The following TMEM132B variants were observed in gnomAD, a reference collection of about 807,000 sequenced individuals.
TMEM132B encodes transmembrane protein 132B.
TMEM132B carries 18 observed loss-of-function variants against 90.8 expected under a neutral mutation model. The observed-to-expected ratio is 0.20, with a 90% CI of 0.14 to 0.29. The LOEUF is 0.29. Ranked by LOEUF, TMEM132B falls within the 10% of genes least tolerant of loss-of-function variation. The pLI is 1.00. For missense variants in TMEM132B, 1,096 were observed against 1,326.8 expected (o/e 0.83, Z 2.70); for synonymous variants, 504 against 523.3 (o/e 0.96, Z 0.50).
In TMEM132B at chr12:125,658,000, G is replaced by A. The variant is rs1887110149; in HGVS notation, c.*3290G>A. 1.3e-5 allele frequency: 2 copies of A among 152,274 alleles called. No individual in the cohort carries two copies. The highest frequency in any genetic ancestry group is 4.8e-5 in the African/African-American group (2 of 41,446). The allele number at this position is 152,274 out of a possible 1,614,324, so 9.4% of individuals were successfully genotyped here. On this transcript the variant is annotated 3_prime_UTR_variant, in exon 9 of 9. Transcript: ENST00000682704. ...TTAAACACACAGGTGTGTTGCATTTGAGAGAAGGCAAGAAGAAAAGACAAT... is the reference window on the plus strand; with the variant it reads ...TTAAACACACAGGTGTGTTGCATTTAAGAGAAGGCAAGAAGAAAAGACAAT...
chr12:125,248,001 A>C (rs1874242482), intron 1 of TMEM132B, among the ~76,000 whole-genome samples: 1 of 152,156 alleles, frequency 6.6e-6, no homozygotes, highest in African/African-American at 2.4e-5. Flanking sequence ...GTGGCTTTGG[A>C]TTAGCGCATG....
intron 1 of TMEM132B, among the ~76,000 whole-genome samples, chr12:125,259,092 G>T (rs751997238): frequency 2.0e-5 from 3 of 152,116 alleles, no homozygotes; most frequent in Non-Finnish European, 4.4e-5. Context: ...TGAGGGAAAA[G>T]TCTCTGGGTG....
chr12:125,487,846 C>T (rs1882241746), intron 3 of TMEM132B, among the ~76,000 whole-genome samples: 1 of 152,092 alleles, frequency 6.6e-6, no homozygotes, highest in African/African-American at 2.4e-5. Flanking sequence ...TTTTTCAAGG[C>T]CAGTCTCACA....
chr12:125,611,993 A>G (rs1256963256), intron 5 of TMEM132B, among the ~76,000 whole-genome samples: 2 of 152,096 alleles, frequency 1.3e-5, no homozygotes, highest in Non-Finnish European at 2.9e-5. Context: ...TCATCGTGAA[A>G]GTTGGGAATT....
intron 1 of TMEM132B, among the ~76,000 whole-genome samples, chr12:125,260,934 G>GTGTA: frequency 6.6e-6 from 1 of 151,438 alleles, no homozygotes; most frequent in Non-Finnish European, 1.5e-5. Context: ...GTGTGTGTGT[G>GTGTA]TGTGTGTGTG....
At chr12:125,348,462 C>T (rs1877437332) in intron 1 of TMEM132B, among the ~76,000 whole-genome samples, 3 of 151,602 alleles carry the variant, frequency 2.0e-5, no homozygotes, top group Admixed American at 2.0e-4. Flanking sequence ...GTAGTTGGGA[C>T]TACAGGCACA....
intron 4 of TMEM132B, among the ~76,000 whole-genome samples, chr12:125,558,773 A>C (rs79085863): frequency 6.6e-6 from 1 of 152,196 alleles, no homozygotes; most frequent in Non-Finnish European, 1.5e-5. Context: ...TAAGCTATCA[A>C]TTGATCCACC....
At chr12:125,365,686 G>A (rs924410827) in intron 2 of TMEM132B, among the ~76,000 whole-genome samples, 3 of 151,730 alleles carry the variant, frequency 2.0e-5, no homozygotes, top group African/African-American at 4.8e-5. Flanking sequence ...AGAGTTCTGA[G>A]TTGGCAGTTT....
chr12:125,252,569 G>C (rs145920945), intron 1 of TMEM132B, among the ~76,000 whole-genome samples: 2 of 152,306 alleles, frequency 1.3e-5, no homozygotes, highest in Admixed American at 1.3e-4. Flanking sequence ...CCAACTCCAC[G>C]GGTGGGAAAT....
chr12:125,466,339 G>A (rs1881562137), intron 3 of TMEM132B, among the ~76,000 whole-genome samples: 1 of 152,226 alleles, frequency 6.6e-6, no homozygotes, highest in Non-Finnish European at 1.5e-5. Flanking sequence ...CTGTGAGAAG[G>A]CAGCTCAGAG....
chr12:125,519,252 C>A (rs964996), intron 3 of TMEM132B, among the ~76,000 whole-genome samples, 187 bp from the exon 4 acceptor site: 8 of 151,948 alleles, frequency 5.3e-5, no homozygotes, highest in African/African-American at 1.9e-4. Flanking sequence ...GATCGTCAGC[C>A]TATTCTGAGG....
At chr12:125,336,694 C>T (rs757672343) in intron 1 of TMEM132B, among the ~76,000 whole-genome samples, 4 of 152,182 alleles carry the variant, frequency 2.6e-5, no homozygotes, top group Non-Finnish European at 4.4e-5. Context: ...CATGGTGTGT[C>T]CCTGATGCAC....
At position 125,188,198 on chromosome 12, in the gene TMEM132B, G is replaced by A. The variant is rs566551421; in HGVS notation, c.67+1332G>A. The stretch of plus-strand genomic sequence containing the variant: ...TATTGGAGATCTCCGTCAGCGTTCG[G>A]CTTTGGTTCAGCCTAGAGAATGGCA... On this transcript the variant is annotated intron_variant, in intron 1 of 8. Transcript: ENST00000682704. Among the ~76,000 whole-genome samples the A allele has an allele frequency of 2.6e-5, 4 of 152,238 alleles. No homozygotes were observed. The South Asian group carries it at 8.3e-4, about 32-fold the overall frequency.
At chr12:125,608,093 T>G (rs1391665276) in intron 5 of TMEM132B, among the ~76,000 whole-genome samples, 1 of 152,216 alleles carries the variant, frequency 6.6e-6, no homozygotes, top group Non-Finnish European at 1.5e-5. Flanking sequence ...TCATTTCTTT[T>G]GAGCGTATAC....
At chr12:125,514,216 G>A (rs1013262298) in intron 3 of TMEM132B, among the ~76,000 whole-genome samples, 7 of 151,658 alleles carry the variant, frequency 4.6e-5, no homozygotes, top group Admixed American at 2.6e-4. Flanking sequence ...CACCCCCAAC[G>A]AGTTTTACAG....
At chr12:125,527,478 ATCCACCCT>A (rs1425569863) in intron 4 of TMEM132B, among the ~76,000 whole-genome samples, 2 of 137,528 alleles carry the variant, frequency 1.5e-5, no homozygotes, top group Admixed American at 1.5e-4. Context: ...CCATCCACCC[ATCCACCCT>A]TCCAACCACC....
At chr12:125,619,318 T>G (rs2136965124) in intron 5 of TMEM132B, among the ~76,000 whole-genome samples, 1 of 151,382 alleles carries the variant, frequency 6.6e-6, no homozygotes, top group African/African-American at 2.4e-5. Flanking sequence ...CTGCCTGCTG[T>G]GGCATTTATT....
intron 4 of TMEM132B, among the ~76,000 whole-genome samples, chr12:125,528,356 T>C (rs1883550227): frequency 6.6e-6 from 1 of 152,314 alleles, no homozygotes; most frequent in Middle Eastern, 3.4e-3. Context: ...TTCAAAAAGA[T>C]TGGAATAAAA....
chr12:125,508,027 CA>C (rs1882888564), intron 3 of TMEM132B, among the ~76,000 whole-genome samples: 1 of 152,164 alleles, frequency 6.6e-6, no homozygotes. Flanking sequence ...GTAGAACCAG[CA>C]GGCTTCCTGG....
Sources: allele counts gnomAD v4.1 joint callset (sites outside exome capture counted in the v4.1 genomes callset), GRCh38; gene constraint gnomAD v4.1.1; transcripts MANE v1.5; gene names NCBI Gene and HGNC (gene_info 2026-07-23, HGNC 2026-07-21).